Variants in RAB22A observed in about 807,000 individuals in gnomAD.
RAB22A encodes RAB22A, member RAS oncogene family.
A neutral mutation model predicts 30.2 loss-of-function variants in RAB22A; 13 were observed. That is an observed-to-expected ratio of 0.43 (90% CI 0.28 to 0.68). The LOEUF (loss-of-function observed/expected upper bound fraction) is 0.68, where lower values mean the gene tolerates loss of function less well. Among genes scored for constraint, RAB22A ranks in the 30% least tolerant of loss-of-function variants. The pLI is 0.18. For synonymous variants in RAB22A, 89 were observed against 87.2 expected, an observed-to-expected ratio of 1.02 and a Z score of -0.11; for missense variants, 177 against 246.8, an observed-to-expected ratio of 0.72 and a Z score of 1.89.
chr20:58,352,808 G>A lies in RAB22A; in HGVS notation c.199-465G>A, dbSNP rs542235649. On this transcript the variant is annotated intron_variant, in intron 3 of 6. Coordinates refer to ENST00000244040, the MANE Select transcript of RAB22A (RefSeq NM_020673.3). ...TTGCAAACTCATCCAAGTAGTGAAT[G>A]TAGATGTGTACTCATTTCTGAAGGA... 3.0e-4 allele frequency among the ~76,000 whole-genome samples: 45 copies of A among 152,332 alleles called. 1 individual carries two copies. Among genetic ancestry groups the A allele is most frequent in the South Asian group, 1.0e-3 (5 of 4,822 alleles).
At chr20:58,329,056 C>CTTTTT (rs34919452) in intron 2 of RAB22A, among the ~76,000 whole-genome samples, 1 of 139,822 alleles carries the variant, frequency 7.2e-6, no homozygotes, top group Non-Finnish European at 1.5e-5. Context: ...TGCATATTCC[C>CTTTTT]TTTTTTTTTT....
chr20:58,326,930 A>G (rs1018690619), intron 2 of RAB22A, among the ~76,000 whole-genome samples: 3 of 152,112 alleles, frequency 2.0e-5, no homozygotes, highest in Non-Finnish European at 4.4e-5. Context: ...TGTACCAGTA[A>G]GTTTGATGTT....
At chr20:58,327,168 G>A (rs1201080011) in intron 2 of RAB22A, among the ~76,000 whole-genome samples, 1 of 152,158 alleles carries the variant, frequency 6.6e-6, no homozygotes, top group Admixed American at 6.5e-5. Context: ...ATTTTGTCTT[G>A]ATATTTTTTG....
chr20:58,351,142 G>A (rs952896314), intron 3 of RAB22A, among the ~76,000 whole-genome samples: 1 of 151,972 alleles, frequency 6.6e-6, no homozygotes, highest in Non-Finnish European at 1.5e-5. Flanking sequence ...TTCAAGATCA[G>A]CCTGTCCAAC....
intron 1 of RAB22A, among the ~76,000 whole-genome samples, chr20:58,310,311 C>T (rs896117511): frequency 1.3e-5 from 2 of 151,650 alleles, no homozygotes; most frequent in Admixed American, 6.6e-5. Flanking sequence ...AAGAGAGGTT[C>T]TTAAATAGTT....
chr20:58,319,092 TACACACAC>T (rs1209984359), intron 2 of RAB22A, among the ~76,000 whole-genome samples: 1 of 152,084 alleles, frequency 6.6e-6, no homozygotes, highest in Non-Finnish European at 1.5e-5. Context: ...GGAATTAGTA[TACACACAC>T]ACATACATGT....
In RAB22A at chr20:58,365,992, G is replaced by A. The variant is rs1309441228; in HGVS notation, c.*6289G>A. The A allele has an allele frequency of 1.3e-5, 2 of 152,144 alleles. No homozygotes were observed. The highest frequency in any genetic ancestry group is 2.9e-5 in the Non-Finnish European group (2 of 68,032). 9.4% of individuals were successfully genotyped at this position (152,144 alleles called of 1,614,324 possible). On this transcript the variant is annotated 3_prime_UTR_variant, in exon 7 of 7. Transcript: ENST00000244040. ...CCATTCGTTACGCTGTGTAGACAGA[G>A]CTTTATTGCCCTGGAAAAGATTTTT...
chr20:58,348,119 C>T (rs1986982249), intron 3 of RAB22A, among the ~76,000 whole-genome samples: 1 of 152,016 alleles, frequency 6.6e-6, no homozygotes, highest in African/African-American at 2.4e-5. Context: ...CCCAGCTACT[C>T]GGAAGGCTGA....
intron 3 of RAB22A, among the ~76,000 whole-genome samples, chr20:58,352,372 T>C (rs536877587): frequency 5.3e-5 from 8 of 152,236 alleles, no homozygotes; most frequent in African/African-American, 1.9e-4. Flanking sequence ...AGGATGTAAA[T>C]ACAGTGTCAT....
At position 58,354,803 on chromosome 20, in the gene RAB22A, A is replaced by C. The variant is rs139669555; in HGVS notation, c.487+538A>C. 1.2e-3 allele frequency among the ~76,000 whole-genome samples: 181 copies of C among 152,282 alleles called. 1 individual carries two copies. The highest frequency in any genetic ancestry group is 2.4e-3 in the Admixed American group (36 of 15,294). ...TTATTCATTTCATTCAAATTCATCA[A>C]AATATTTATTGGGAGCTGTTCCAGG... On this transcript the variant is annotated intron_variant, in intron 6 of 6. Coordinates refer to ENST00000244040, the MANE Select transcript of RAB22A (RefSeq NM_020673.3).
intron 2 of RAB22A, among the ~76,000 whole-genome samples, chr20:58,317,405 G>A (rs1192953766): frequency 6.6e-6 from 1 of 151,398 alleles, no homozygotes; most frequent in Non-Finnish European, 1.5e-5. Flanking sequence ...CCAACCCTGG[G>A]CAGTTTAGTC....
chr20:58,319,414 A>G (rs1425216624), intron 2 of RAB22A, among the ~76,000 whole-genome samples: 4 of 152,238 alleles, frequency 2.6e-5, no homozygotes, highest in African/African-American at 4.8e-5. Flanking sequence ...CCATTGGTCT[A>G]TTCATCTGTC....
At chr20:58,310,102 CT>C (rs1986191338) in intron 1 of RAB22A, 90 bp downstream of exon 1, 15 of 1,180,654 alleles carry the variant, frequency 1.3e-5, no homozygotes, top group Non-Finnish European at 1.6e-5. Context: ...CCCTTCCCCC[CT>C]CCCACGTCCA....
At chr20:58,359,516 T>TAAA in intron 6 of RAB22A, 90 bp from the exon 7 acceptor site, 2 of 612,082 alleles carry the variant, frequency 3.3e-6, no homozygotes, top group Non-Finnish European at 5.1e-6. Flanking sequence ...TTTTTTTTAC[T>TAAA]TCAGTGAAAC....
chr20:58,337,885 A>G (rs12480536), intron 2 of RAB22A, among the ~76,000 whole-genome samples: 1,852 of 152,336 alleles, frequency 0.012, 98 homozygotes, highest in Admixed American at 0.088. Flanking sequence ...TGAAATCATT[A>G]GAAGAGTGTC....
chr20:58,358,245 G>A (rs1987164945), intron 6 of RAB22A, among the ~76,000 whole-genome samples: 1 of 152,214 alleles, frequency 6.6e-6, no homozygotes, highest in South Asian at 2.1e-4. Flanking sequence ...GCAGTGAAGT[G>A]AAACCTGTTC....
chr20:58,349,697 G>A (rs571639721), intron 3 of RAB22A, among the ~76,000 whole-genome samples: 1 of 152,262 alleles, frequency 6.6e-6, no homozygotes, highest in African/African-American at 2.4e-5. Context: ...AGTAGAAACC[G>A]TGTCCTAGGA....
intron 3 of RAB22A, among the ~76,000 whole-genome samples, chr20:58,349,035 G>A (rs1986999379): frequency 6.6e-6 from 1 of 152,202 alleles, no homozygotes; most frequent in Non-Finnish European, 1.5e-5. Flanking sequence ...CTGATCTAGA[G>A]CCAGGTTTGG....
At chr20:58,335,508 C>T (rs1054651178) in intron 2 of RAB22A, among the ~76,000 whole-genome samples, 2 of 151,970 alleles carry the variant, frequency 1.3e-5, no homozygotes, top group African/African-American at 2.4e-5. Context: ...AAAAAAAAAT[C>T]AAAGGTATGT....
Sources: allele counts gnomAD v4.1 joint callset (sites outside exome capture counted in the v4.1 genomes callset), GRCh38; gene constraint gnomAD v4.1.1; transcripts MANE v1.5; gene names NCBI Gene and HGNC (gene_info 2026-07-23, HGNC 2026-07-21).